Variants in GNB1 observed in about 807,000 individuals in gnomAD.
GNB1 encodes the protein guanine nucleotide-binding protein G(I)/G(S)/G(T) subunit beta-1.
A neutral mutation model predicts 42.9 loss-of-function variants in GNB1; 2 were observed. That is an observed-to-expected ratio of 0.05 (90% CI 0.02 to 0.15). The LOEUF (loss-of-function observed/expected upper bound fraction) is 0.15, where lower values mean the gene tolerates loss of function less well. Ranked by LOEUF, GNB1 falls within the 10% of genes least tolerant of loss-of-function variation. The pLI, the probability that GNB1 is intolerant of heterozygous loss-of-function variation, is 1.00. For missense variants in GNB1, 193 were observed against 462.2 expected (o/e 0.42, Z 5.34); for synonymous variants, 183 against 174.7 (o/e 1.05, Z -0.38).
At position 1,860,494 on chromosome 1, in the gene GNB1, A is replaced by T. The variant is rs370446210; in HGVS notation, c.-95-21256T>A. ...ACAAACAAACAAAAAAAAATTAGCC[A>T]GTCGTGGTGGTGGGCGCCTGTAGTC... is the stretch of plus-strand genomic sequence containing the variant. On this transcript the variant is annotated intron_variant, in intron 1 of 11. Coordinates refer to ENST00000378609, the MANE Select transcript of GNB1 (RefSeq NM_002074.5). Among the ~76,000 whole-genome samples, 8 of 152,180 alleles carry T rather than the reference A, an allele frequency of 5.3e-5. No individual in the cohort carries two copies. The East Asian group carries it at 1.2e-3, about 22-fold the overall frequency.
At chr1:1,831,645 C>T (rs57999410) in intron 2 of GNB1, among the ~76,000 whole-genome samples, 25 of 151,922 alleles carry the variant, frequency 1.6e-4, no homozygotes, top group Admixed American at 1.3e-3. Flanking sequence ...GACAGGGTTT[C>T]GCCATGTTGG....
intron 7 of GNB1, among the ~76,000 whole-genome samples, chr1:1,794,410 A>C (rs971624648): frequency 1.1e-4 from 16 of 152,200 alleles, no homozygotes; most frequent in African/African-American, 3.9e-4. Flanking sequence ...AACTAAAAGC[A>C]TAGGGTCAAC....
At chr1:1,788,163 G>A (rs993937530) in intron 10 of GNB1, 2 of 152,264 alleles carry the variant, frequency 1.3e-5, no homozygotes, top group East Asian at 1.9e-4. Context: ...CAGGAGTAGC[G>A]ATGGTGGCTG....
chr1:1,873,731 T>C (rs906443044), intron 1 of GNB1, among the ~76,000 whole-genome samples: 2 of 151,954 alleles, frequency 1.3e-5, no homozygotes, highest in African/African-American at 2.4e-5. Flanking sequence ...GGCAGAAGAA[T>C]TGCTTGAACC....
intron 3 of GNB1, among the ~76,000 whole-genome samples, chr1:1,823,481 A>G (rs1646959596): frequency 6.6e-6 from 1 of 152,208 alleles, no homozygotes; most frequent in African/African-American, 2.4e-5. Context: ...TTTTATTTAA[A>G]TAGATATTTC....
At chr1:1,846,431 G>A (rs539057568) in intron 1 of GNB1, among the ~76,000 whole-genome samples, 2 of 152,236 alleles carry the variant, frequency 1.3e-5, no homozygotes, top group Admixed American at 1.3e-4. Context: ...GCCAGGCGTG[G>A]TGGCTGGCAC....
chr1:1,860,779 C>T (rs1648580104), intron 1 of GNB1, among the ~76,000 whole-genome samples: 1 of 151,970 alleles, frequency 6.6e-6, no homozygotes, highest in African/African-American at 2.4e-5. Context: ...AAATCCACCC[C>T]AAAAGCCTCA....
chr1:1,828,400 A>G (rs1290518215), intron 2 of GNB1, among the ~76,000 whole-genome samples: 6 of 152,164 alleles, frequency 3.9e-5, no homozygotes, highest in African/African-American at 1.2e-4. Flanking sequence ...ATTAGGTGGG[A>G]TAACTCCTGA....
At chr1:1,855,892 G>A (rs1243570568) in intron 1 of GNB1, among the ~76,000 whole-genome samples, 1 of 152,252 alleles carries the variant, frequency 6.6e-6, no homozygotes, top group Non-Finnish European at 1.5e-5. Flanking sequence ...ACCTAAGAGT[G>A]AAGTTGACAG....
At chr1:1,791,265 G>A (rs1290355241) in intron 8 of GNB1, among the ~76,000 whole-genome samples, 3 of 150,278 alleles carry the variant, frequency 2.0e-5, no homozygotes, top group Non-Finnish European at 4.4e-5. Context: ...TCCGCCTCCC[G>A]AGTTCAAGCG....
chr1:1,889,595 T>G (rs1010203026), intron 1 of GNB1, among the ~76,000 whole-genome samples: 3 of 151,220 alleles, frequency 2.0e-5, no homozygotes, highest in African/African-American at 7.3e-5. Context: ...GAGGATCGCT[T>G]GAGCCCCAGA....
chr1:1,812,623 T>C (rs957271563), intron 5 of GNB1, among the ~76,000 whole-genome samples: 1 of 152,178 alleles, frequency 6.6e-6, no homozygotes, highest in Non-Finnish European at 1.5e-5. Flanking sequence ...TCCAAGAACA[T>C]GGACCAATGT....
intron 5 of GNB1, among the ~76,000 whole-genome samples, chr1:1,807,800 G>A (rs574765366): frequency 3.3e-5 from 5 of 151,052 alleles, no homozygotes; most frequent in African/African-American, 7.3e-5. Flanking sequence ...CTCCGCCTCC[G>A]GGGTTCATGC....
At chr1:1,805,225 A>G (rs1646680913) in intron 6 of GNB1, among the ~76,000 whole-genome samples, 1 of 152,008 alleles carries the variant, frequency 6.6e-6, no homozygotes, top group African/African-American at 2.4e-5. Context: ...TTGGGAGGCT[A>G]AGGCGGGTGG....
At chr1:1,842,030 G>C (rs755982258) in intron 1 of GNB1, among the ~76,000 whole-genome samples, 1 of 152,230 alleles carries the variant, frequency 6.6e-6, no homozygotes, top group East Asian at 1.9e-4. Flanking sequence ...AAAGGAGGCC[G>C]AGCGTGGTGG....
chr1:1,817,549 TGAG>T (rs556189001), intron 4 of GNB1: 17 of 251,260 alleles, frequency 6.8e-5, no homozygotes, highest in African/African-American at 3.3e-4. Context: ...CAGATTCTGT[TGAG>T]GAGAGGAGCT....
intron 1 of GNB1, among the ~76,000 whole-genome samples, 184 bp downstream of exon 1, chr1:1,890,636 C>T (rs1312995929): frequency 6.8e-6 from 1 of 148,086 alleles, no homozygotes; most frequent in Non-Finnish European, 1.5e-5. Flanking sequence ...TCGACCCCGA[C>T]CCTGCACCCC....
intron 1 of GNB1, among the ~76,000 whole-genome samples, chr1:1,844,075 G>A (rs1329021251): frequency 6.6e-6 from 1 of 151,972 alleles, no homozygotes; most frequent in East Asian, 1.9e-4. Context: ...GGTGCCTGTA[G>A]TCCCAGCTAC....
chr1:1,831,127 T>C (rs1647070213), intron 2 of GNB1, among the ~76,000 whole-genome samples: 1 of 152,108 alleles, frequency 6.6e-6, no homozygotes, highest in African/African-American at 2.4e-5. Context: ...ATCGTGCCAC[T>C]GCACTCCAGC....
Sources: gnomAD v4.1 joint callset for allele counts (sites outside exome capture counted in the v4.1 genomes callset) on GRCh38, gnomAD v4.1.1 for gene constraint, MANE v1.5 for transcripts, NCBI Gene and HGNC (gene_info 2026-07-23, HGNC 2026-07-21) for gene names.